Variants in SLC1A7 observed in about 807,000 individuals in gnomAD.
The protein encoded by SLC1A7 is solute carrier family 1 member 7.
Under a neutral mutation model 47.7 loss-of-function variants are expected in SLC1A7, and 40 were observed. The ratio of observed to expected loss-of-function variants is 0.84; its 90% CI spans 0.65 to 1.09. The LOEUF is 1.09. Among genes scored for constraint, SLC1A7 ranks in the 50% least tolerant of loss-of-function variants. The pLI is 0.00. For synonymous variants in SLC1A7, 323 were observed against 325.6 expected, an observed-to-expected ratio of 0.99 and a Z score of 0.09; for missense variants, 746 against 769.5, an observed-to-expected ratio of 0.97 and a Z score of 0.36.
intron 3 of SLC1A7, chr1:53,108,415 T>C (rs1274524870): frequency 1.7e-6 from 1 of 603,578 alleles, no homozygotes; most frequent in East Asian, 2.8e-5. Context: ...GACAGCTAGT[T>C]GCCTATGCAG....
intron 9 of SLC1A7, 68 bp downstream of exon 9, chr1:53,089,732 C>A: frequency 6.4e-7 from 1 of 1,556,002 alleles, no homozygotes; most frequent in East Asian, 2.2e-5. Context: ...AGCCGCTCAC[C>A]CTGATCCCTG....
intron 2 of SLC1A7, among the ~76,000 whole-genome samples, chr1:53,123,812 T>G (rs1011142710): frequency 2.6e-5 from 4 of 152,210 alleles, no homozygotes; most frequent in African/African-American, 9.6e-5. Flanking sequence ...ACGTTTCCCC[T>G]CTTGATGAGT....
chr1:53,096,433 C>T (rs537450762), intron 5 of SLC1A7, among the ~76,000 whole-genome samples: 4 of 149,260 alleles, frequency 2.7e-5, no homozygotes, highest in South Asian at 2.2e-4. Context: ...CACCCTGCCT[C>T]GGTACACTCA....
intron 5 of SLC1A7, among the ~76,000 whole-genome samples, chr1:53,100,809 C>T (rs1286032654): frequency 9.3e-5 from 14 of 150,006 alleles, no homozygotes; most frequent in East Asian, 8.0e-4. Flanking sequence ...CTCACACACC[C>T]GCCTCAGTAC....
At position 53,088,212 on chromosome 1, in the gene SLC1A7, C is replaced by T. The variant is rs778796774; in HGVS notation, c.1480G>A (p.Glu494Lys). 3 of 1,609,028 alleles carry T rather than the reference C, an allele frequency of 1.9e-6. No homozygotes were observed. Among genetic ancestry groups the T allele is most frequent in the Non-Finnish European group, 2.5e-6 (3 of 1,177,196 alleles). Reference sequence around the variant, plus strand: ...TCCTGGAGGCTCACTGGCTTGGTCTCGCAGGGCAGCAGTTTCTGGTGAAGG... The same window carrying T: ...TCCTGGAGGCTCACTGGCTTGGTCTTGCAGGGCAGCAGTTTCTGGTGAAGG... The part of the protein sequence containing the change: ...DTGTEKLLPC[E>K]TKPVSLQEIV... The change falls in exon 11 of 11, where the codon GAG becomes AAG. Residue 494 changes from glutamate (E) to lysine (K), a missense_variant. Transcript: ENST00000371494.
chr1:53,140,601 G>A (rs141335808), intron 1 of SLC1A7, among the ~76,000 whole-genome samples: 1 of 152,230 alleles, frequency 6.6e-6, no homozygotes, highest in Non-Finnish European at 1.5e-5. Flanking sequence ...TGGATGATGA[G>A]ATGGTTCCTG....
At chr1:53,129,530 G>A in intron 2 of SLC1A7, among the ~76,000 whole-genome samples, 1 of 140,486 alleles carries the variant, frequency 7.1e-6, no homozygotes, top group Non-Finnish European at 1.6e-5. Flanking sequence ...GTCTGAGGAG[G>A]GACTTGGGCC....
rs1350733416 is a variant in SLC1A7 at position 53,099,536 on chromosome 1, CCCA to C, written c.697+3807_697+3809del. 7.9e-5 allele frequency among the ~76,000 whole-genome samples: 10 copies of C among 127,018 alleles called. No homozygotes were observed. The South Asian group carries it at 1.9e-3, about 24-fold the overall frequency. The allele number at this position is 127,018 out of a possible 152,430, so 83.3% of individuals were successfully genotyped here. ...ACACCACCTTGGTACACTCACACAC[CCCA>C]CCACAATACCCTCACTTTGCCTCGG... is the stretch of plus-strand genomic sequence containing the variant. On this transcript the variant is annotated intron_variant, in intron 5 of 10. Coordinates refer to ENST00000371494, the MANE Select transcript of SLC1A7 (RefSeq NM_006671.6).
intron 1 of SLC1A7, among the ~76,000 whole-genome samples, chr1:53,136,623 CAT>C (rs1390803627): frequency 8.1e-6 from 1 of 123,286 alleles, no homozygotes; most frequent in African/African-American, 3.2e-5. Context: ...TATATATAAA[CAT>C]ATATAATATA....
At chr1:53,099,788 AC>A (rs1165401543) in intron 5 of SLC1A7, among the ~76,000 whole-genome samples, 1 of 147,402 alleles carries the variant, frequency 6.8e-6, no homozygotes, top group Non-Finnish European at 1.5e-5. Flanking sequence ...ACACACACAC[AC>A]CATCTCGGTA....
At chr1:53,133,955 A>G (rs1283195461) in intron 2 of SLC1A7, among the ~76,000 whole-genome samples, 1 of 152,180 alleles carries the variant, frequency 6.6e-6, no homozygotes. Flanking sequence ...AATATGTCCA[A>G]GGTTACACAG....
At chr1:53,119,926 G>A (rs561729957) in intron 2 of SLC1A7, among the ~76,000 whole-genome samples, 2 of 152,152 alleles carry the variant, frequency 1.3e-5, no homozygotes, top group Non-Finnish European at 2.9e-5. Flanking sequence ...CCCACACCAC[G>A]CTTGGCTGGG....
intron 3 of SLC1A7, chr1:53,114,502 A>C: frequency 4.1e-6 from 2 of 489,188 alleles, no homozygotes; most frequent in Non-Finnish European, 7.3e-6. Flanking sequence ...GCATCAGCAA[A>C]TGCTCACAGA....
intron 1 of SLC1A7, among the ~76,000 whole-genome samples, chr1:53,141,715 C>T (rs1645059000): frequency 6.6e-6 from 1 of 151,828 alleles, no homozygotes; most frequent in Non-Finnish European, 1.5e-5. Flanking sequence ...CCGCATCTCC[C>T]CCAGGCTGCC....
Position 53,089,875 on chromosome 1 carries a change from G to A in SLC1A7, c.1286C>T (p.Thr429Ile). The A allele has an allele frequency of 6.2e-7, 1 of 1,613,928 alleles. No individual in the cohort carries two copies. The highest frequency in any genetic ancestry group is 8.5e-7 in the Non-Finnish European group (1 of 1,179,996). ...AAGIPQAGLVTMVIVLTSVGL... is the reference protein window; with the variant it reads ...AAGIPQAGLVIMVIVLTSVGL... ...CACGGAGGTGAGCACGATGACCATGGTGACGAGGCCGGCCTGGGGGATGCC... is the reference window on the plus strand; with the variant it reads ...CACGGAGGTGAGCACGATGACCATGATGACGAGGCCGGCCTGGGGGATGCC... The change falls in exon 9 of 11, where the codon ACC becomes ATC. Residue 429 changes from threonine (T) to isoleucine (I), a missense_variant. By Grantham distance (89) the Thr-to-Ile change is moderately conservative. Transcript: ENST00000371494.
Position 53,101,946 on chromosome 1 carries a change from A to ACCCTCATACGC in SLC1A7, c.697+1399_697+1400insGCGTATGAGGG, listed in dbSNP as rs1644588745. Among the ~76,000 whole-genome samples the ACCCTCATACGC allele has an allele frequency of 2.0e-5, 3 of 151,712 alleles. No individual in the cohort carries two copies. The South Asian group carries it at 6.2e-4, about 32-fold the overall frequency. On this transcript the variant is annotated intron_variant, in intron 5 of 10. Transcript: ENST00000371494. ...CGCCCTGCCTCGGTACCCTCATACG[A>ACCCTCATACGC]CCTGCCTCAGTACACTCACACAAAT...
At chr1:53,107,624 G>A (rs1028694776) in intron 3 of SLC1A7, among the ~76,000 whole-genome samples, 1 of 152,124 alleles carries the variant, frequency 6.6e-6, no homozygotes, top group Non-Finnish European at 1.5e-5. Flanking sequence ...AGCAAGTGAC[G>A]AGCTGGAGAG....
intron 4 of SLC1A7, among the ~76,000 whole-genome samples, chr1:53,105,153 C>T (rs1464084049): frequency 6.6e-6 from 1 of 152,078 alleles, no homozygotes. Context: ...GAAATATATC[C>T]TCTGCTACCA....
At chr1:53,092,852 G>A (rs563529899) in intron 6 of SLC1A7, 65 bp from the exon 7 acceptor site, 30 of 1,046,464 alleles carry the variant, frequency 2.9e-5, no homozygotes, top group African/African-American at 7.8e-5. Context: ...CCCCAGCCCC[G>A]CATCGCTGCG....
Sources: allele counts gnomAD v4.1 joint callset (sites outside exome capture counted in the v4.1 genomes callset), GRCh38; gene constraint gnomAD v4.1.1; transcripts MANE v1.5; gene names NCBI Gene and HGNC (gene_info 2026-07-23, HGNC 2026-07-21).